FMN2: variants seen among roughly 807,000 people sequenced by gnomAD.
The protein encoded by FMN2 is formin 2.
FMN2 carries 51 observed loss-of-function variants against 142.3 expected under a neutral mutation model. The ratio of observed to expected loss-of-function variants is 0.36; its 90% CI spans 0.29 to 0.45. FMN2 has a LOEUF of 0.45. Among genes scored for constraint, FMN2 ranks in the 20% least tolerant of loss-of-function variants. FMN2 has a pLI of 1.00. For missense variants in FMN2, 1,936 were observed against 2,122.8 expected (o/e 0.91, Z 1.73); for synonymous variants, 882 against 869.8 (o/e 1.01, Z -0.25).
intron 8 of FMN2, among the ~76,000 whole-genome samples, chr1:240,315,335 T>G (rs768347287): frequency 1.3e-5 from 2 of 152,220 alleles, no homozygotes; most frequent in Non-Finnish European, 2.9e-5. Flanking sequence ...AAACATTTGA[T>G]GGTTTTGATG....
intron 2 of FMN2, among the ~76,000 whole-genome samples, chr1:240,158,089 C>G (rs189206094): frequency 6.6e-6 from 1 of 151,854 alleles, no homozygotes; most frequent in Non-Finnish European, 1.5e-5. Context: ...ATTCTAAGAG[C>G]ATCCCCTAAT....
At position 240,323,561 on chromosome 1, in the gene FMN2, A is replaced by T. The variant is rs997769220; in HGVS notation, c.4216-5515A>T. Among the ~76,000 whole-genome samples, 4 of 152,282 alleles carry T rather than the reference A, an allele frequency of 2.6e-5. No homozygotes were observed. In the South Asian group the frequency reaches 8.3e-4, roughly 32 times the overall value. On this transcript the variant is annotated intron_variant, in intron 8 of 17. Coordinates refer to ENST00000319653, the MANE Select transcript of FMN2 (RefSeq NM_020066.5). ...CTGACCTTCCTTATTTATGGGCAGT[A>T]ACCTCACTTCCAAATTTAGTAACAA...
intron 6 of FMN2, among the ~76,000 whole-genome samples, chr1:240,236,716 A>G (rs2102859349): frequency 6.6e-6 from 1 of 152,278 alleles, no homozygotes; most frequent in Admixed American, 6.5e-5. Context: ...GGGAACTAAT[A>G]GAGTGATAAC....
intron 8 of FMN2, among the ~76,000 whole-genome samples, chr1:240,308,013 G>C (rs190599953): frequency 6.6e-6 from 1 of 152,094 alleles, no homozygotes; most frequent in Non-Finnish European, 1.5e-5. Context: ...GTACATTATA[G>C]TTTTTAAAAT....
At chr1:240,250,071 T>G (rs2102883606) in intron 6 of FMN2, among the ~76,000 whole-genome samples, 1 of 152,270 alleles carries the variant, frequency 6.6e-6, no homozygotes, top group East Asian at 1.9e-4. Context: ...TTTGGAATCC[T>G]TTTATTTCTT....
intron 6 of FMN2, among the ~76,000 whole-genome samples, chr1:240,227,026 G>A (rs752732071): frequency 2.0e-5 from 3 of 152,040 alleles, no homozygotes; most frequent in Admixed American, 2.0e-4. Context: ...AGAAATAAAT[G>A]GTCTCCTGAT....
chr1:240,290,353 G>A (rs576404083), intron 7 of FMN2, among the ~76,000 whole-genome samples: 6 of 152,136 alleles, frequency 3.9e-5, no homozygotes, highest in African/African-American at 9.7e-5. Context: ...GAGCAAGTTC[G>A]TACCGGAGGA....
chr1:240,312,831 A>G lies in FMN2; in HGVS notation c.4216-16245A>G, dbSNP rs529316170. 3.9e-5 allele frequency among the ~76,000 whole-genome samples: 6 copies of G among 152,298 alleles called. No homozygotes were observed. In the South Asian group the frequency reaches 1.2e-3, roughly 32 times the overall value. On this transcript the variant is annotated intron_variant, in intron 8 of 17. Coordinates refer to ENST00000319653, the MANE Select transcript of FMN2 (RefSeq NM_020066.5). ...TTATAGAATCTGTTAGCCCAAGGAA[A>G]ATGCACTTCTCGAACTGATCAGATC... is the stretch of plus-strand genomic sequence containing the variant.
At chr1:240,350,987 C>A (rs2103040225) in intron 13 of FMN2, among the ~76,000 whole-genome samples, 1 of 152,198 alleles carries the variant, frequency 6.6e-6, no homozygotes, top group South Asian at 2.1e-4. Flanking sequence ...CTGTTGAGTG[C>A]ATATTGCCTG....
In FMN2 at chr1:240,473,035, G is replaced by A. The variant is rs1676862575; in HGVS notation, c.5142+582G>A. 6.6e-6 allele frequency among the ~76,000 whole-genome samples: 1 copy of A among 152,118 alleles called. No homozygotes were observed. Among genetic ancestry groups the A allele is most frequent in the African/African-American group, 2.4e-5 (1 of 41,424 alleles). On this transcript the variant is annotated intron_variant, in intron 17 of 17. Transcript: ENST00000319653. This position sits in a 1 kb window ranked among gnomAD's most constrained non-coding sequence, Gnocchi z 4.3. ...ATGTGCATGTTGGCAGGGGCAGGGT[G>A]GGGAGACCATCTTTCACTTTCTTTG...
Position 240,143,431 on chromosome 1 carries a change from C to T in FMN2, c.1782+20086C>T, listed in dbSNP as rs944794075. 33 of 1,441,220 alleles carry T rather than the reference C, an allele frequency of 2.3e-5. No homozygotes were observed. In the African/African-American group the frequency reaches 3.2e-4, roughly 14 times the overall value. 89.3% of individuals were successfully genotyped at this position (1,441,220 alleles called of 1,614,324 possible). A position where few individuals can be genotyped will look rare whatever the true frequency, so the allele number is the denominator to read the frequency against. On this transcript the variant is annotated intron_variant, in intron 2 of 17. Transcript: ENST00000319653. ...AAGGGCAATCCCCAGAACAGCCACT[C>T]CCTGATGTGCTCCCATGTCAGCAGG...
intron 8 of FMN2, among the ~76,000 whole-genome samples, chr1:240,326,341 G>A (rs1422246924): frequency 6.6e-6 from 1 of 152,154 alleles, no homozygotes; most frequent in East Asian, 1.9e-4. Flanking sequence ...AGCAGAAATG[G>A]TCTAATAGAG....
At chr1:240,331,697 C>T (rs1671382997) in intron 11 of FMN2, among the ~76,000 whole-genome samples, 1 of 152,034 alleles carries the variant, frequency 6.6e-6, no homozygotes, top group African/African-American at 2.4e-5. Flanking sequence ...GGAGTTATGG[C>T]CTGATAAACC....
intron 8 of FMN2, among the ~76,000 whole-genome samples, chr1:240,307,624 C>T (rs1558424278): frequency 6.6e-6 from 1 of 152,146 alleles, no homozygotes; most frequent in African/African-American, 2.4e-5. Context: ...TTGTACCATG[C>T]TGTTTTGGTA....
At chr1:240,142,501 T>TTCTTTATATA (rs1164646678) in intron 2 of FMN2, among the ~76,000 whole-genome samples, 1 of 78,644 alleles carries the variant, frequency 1.3e-5, no homozygotes, top group Admixed American at 1.5e-4. Context: ...TTATTTATAT[T>TTCTTTATATA]TTTTGGGGGG....
chr1:240,106,829 GC>G (rs1390315454), intron 1 of FMN2, among the ~76,000 whole-genome samples: 1 of 151,352 alleles, frequency 6.6e-6, no homozygotes, highest in African/African-American at 2.4e-5. Context: ...GATTTCAGGC[GC>G]CCACCACCAC....
intron 14 of FMN2, among the ~76,000 whole-genome samples, chr1:240,390,953 G>T (rs16839902): frequency 0.018 from 2,670 of 152,294 alleles, 66 homozygotes; most frequent in African/African-American, 0.061. Flanking sequence ...CCTGAAAATA[G>T]TATGCATTGT....
chr1:240,185,645 G>C (rs1665413796), intron 3 of FMN2, among the ~76,000 whole-genome samples: 1 of 152,130 alleles, frequency 6.6e-6, no homozygotes, highest in African/African-American at 2.4e-5. Context: ...TTTACTTTTT[G>C]GGTCCAGTTA....
intron 2 of FMN2, among the ~76,000 whole-genome samples, chr1:240,126,054 C>A (rs1313775433): frequency 6.6e-6 from 1 of 152,094 alleles, no homozygotes; most frequent in African/African-American, 2.4e-5. Context: ...AAATGTTATG[C>A]CCTATACTTA....
Sources: allele counts gnomAD v4.1 joint callset (sites outside exome capture counted in the v4.1 genomes callset), GRCh38; gene constraint gnomAD v4.1.1; non-coding constraint Gnocchi (gnomAD v3.1); transcripts MANE v1.5; gene names NCBI Gene and HGNC (gene_info 2026-07-23, HGNC 2026-07-21).